CTC1: variants seen among roughly 807,000 people sequenced by gnomAD.
The protein encoded by CTC1 is CST complex subunit CTC1.
CTC1 carries 91 observed loss-of-function variants against 136.3 expected under a neutral mutation model. That is an observed-to-expected ratio of 0.67 (90% confidence interval 0.56 to 0.79). The LOEUF (loss-of-function observed/expected upper bound fraction) is 0.79. Ranked by LOEUF, CTC1 falls within the 30% of genes least tolerant of loss-of-function variation. The probability of loss-of-function intolerance (pLI) is 0.00; values close to 1 mark genes in which losing one functional copy is unlikely to be tolerated. For missense variants in CTC1, 1,432 were observed against 1,498.1 expected, an observed-to-expected ratio of 0.96 and a Z score of 0.73; for synonymous variants, 606 against 613.8, an observed-to-expected ratio of 0.99 and a Z score of 0.19.
rs1230362588 is a variant in CTC1, at chr17:8,225,494, TG to T, written c.*2685del. On this transcript the variant is annotated 3_prime_UTR_variant, in exon 23 of 23. Coordinates refer to ENST00000651323, the MANE Select transcript of CTC1 (RefSeq NM_025099.6). Reference sequence around the variant, plus strand: ...CCAAGAGCTCACAGATCCTATTTCTTGCCTTATCTCTGGCATTTATTTCTTC... The same window carrying T: ...CCAAGAGCTCACAGATCCTATTTCTTCCTTATCTCTGGCATTTATTTCTTC... The T allele has an allele frequency of 6.6e-6, 1 of 152,282 alleles. No homozygotes were observed. The highest frequency in any genetic ancestry group is 1.5e-5 in the Non-Finnish European group (1 of 68,064). The allele number at this position is 152,282 out of a possible 1,614,324, so 9.4% of individuals were successfully genotyped here. A position where few individuals can be genotyped will look rare whatever the true frequency, so the allele number is the denominator to read the frequency against.
chr17:8,246,334 C>T (rs1416529624), intron 1 of CTC1, among the ~76,000 whole-genome samples: 1 of 152,040 alleles, frequency 6.6e-6, no homozygotes, highest in Non-Finnish European at 1.5e-5. Flanking sequence ...ACAGCCATGG[C>T]CAGATGATGA....
rs1170350821 is a variant in CTC1, at chr17:8,226,707, G to GT, written c.*1472dup. 6.6e-6 allele frequency: 1 copy of GT among 152,144 alleles called. No homozygotes were observed. The highest frequency in any genetic ancestry group is 1.5e-5 in the Non-Finnish European group (1 of 68,040). 9.4% of individuals were successfully genotyped at this position (152,144 alleles called of 1,614,324 possible). A position where few individuals can be genotyped will look rare whatever the true frequency, so the allele number is the denominator to read the frequency against. ...CCACGACTACGAGGCTTAGGGCTTC[G>GT]TTTTCATCCAATGCCTTTCTTACTT... On this transcript the variant is annotated 3_prime_UTR_variant, in exon 23 of 23. Coordinates refer to ENST00000651323, the MANE Select transcript of CTC1 (RefSeq NM_025099.6).
chr17:8,238,513 G>T lies in CTC1; in HGVS notation c.314C>A (p.Pro105His), dbSNP rs1186327676. 1 of 1,614,030 alleles carries T rather than the reference G, an allele frequency of 6.2e-7. No individual in the cohort carries two copies. The highest frequency in any genetic ancestry group is 8.5e-7 in the Non-Finnish European group (1 of 1,180,028). ...AAGTAACAGCTGCTCTCGGGGCAGG[G>T]GGTTCCCATTTGGTCCAGCCTCTTG... is the stretch of plus-strand genomic sequence containing the variant. ...WAQEAGPNGN[P>H]LPREQLLLLG... The change falls in exon 3 of 23, where the codon CCC (proline) becomes CAC (histidine). Residue 105 changes from proline to histidine, a missense_variant. Physicochemically the swap from Pro to His is moderately conservative, Grantham distance 77. Transcript: ENST00000651323.
rs918818143 is a variant in CTC1, at chr17:8,227,036, C to G, written c.*1144G>C. ...CCCGCGACCTTGGCGTTATTAGCACCACGCTCTAACCAACTGAGCTAACCG... is the reference window on the plus strand; with the variant it reads ...CCCGCGACCTTGGCGTTATTAGCACGACGCTCTAACCAACTGAGCTAACCG... On this transcript the variant is annotated 3_prime_UTR_variant, in exon 23 of 23. Coordinates refer to ENST00000651323, the MANE Select transcript of CTC1 (RefSeq NM_025099.6). The G allele has an allele frequency of 2.0e-5, 3 of 151,600 alleles. No homozygotes were observed. In the South Asian group the frequency reaches 5.8e-4, roughly 29 times the overall value. 9.4% of individuals were successfully genotyped at this position (151,600 alleles called of 1,614,324 possible). A position where few individuals can be genotyped will look rare whatever the true frequency, so the allele number is the denominator to read the frequency against.
rs965407449 is a variant in CTC1 at position 8,224,978 on chromosome 17, C to G, written c.*3202G>C. On this transcript the variant is annotated 3_prime_UTR_variant, in exon 23 of 23. Transcript: ENST00000651323. ...TCAGCCTCCCAAGTAGCTAGGACTG[C>G]AGGCGCCTGCCACCACGCCTGGCTA... The G allele has an allele frequency of 2.0e-5, 3 of 152,184 alleles. No individual in the cohort carries two copies. Among genetic ancestry groups the G allele is most frequent in the African/African-American group, 7.2e-5 (3 of 41,420 alleles). 9.4% of individuals were successfully genotyped at this position (152,184 alleles called of 1,614,324 possible).
At position 8,227,109 on chromosome 17, in the gene CTC1, TACCATAAAAGCAGCATAA is replaced by T. The variant is rs1241947532; in HGVS notation, c.*1053_*1070del. On this transcript the variant is annotated 3_prime_UTR_variant, in exon 23 of 23. Transcript: ENST00000651323. ...TTCAAATCTTAATATAGGGTATTGC[TACCATAAAAGCAGCATAA>T]ATCCCAACATATGGGTTTAACCACG... The T allele has an allele frequency of 6.6e-6, 1 of 150,552 alleles. No individual in the cohort carries two copies. Among genetic ancestry groups the T allele is most frequent in the African/African-American group, 2.5e-5 (1 of 39,856 alleles). 9.3% of individuals were successfully genotyped at this position (150,552 alleles called of 1,614,324 possible). A position where few individuals can be genotyped will look rare whatever the true frequency, so the allele number is the denominator to read the frequency against.
intron 2 of CTC1, among the ~76,000 whole-genome samples, chr17:8,239,251 A>G (rs1324439372): frequency 6.6e-6 from 1 of 152,126 alleles, no homozygotes; most frequent in Non-Finnish European, 1.5e-5. Flanking sequence ...TGGGGAGAAC[A>G]CTTTGTAAGT....
Position 8,234,824 on chromosome 17 carries a change from T to C in CTC1, c.1542A>G (p.Leu514=), listed in dbSNP as rs369802087. ...TCCGAACAGGGCTGCCTGGCGGAGC[T>C]AGAAGATCCAGGGTAGGAGCCAGGA... ...LQLLAPTLDL[L]APPGSPVRNA... Residue 514 remains leucine, a synonymous_variant, in exon 9 of 23, where the codon CTA becomes CTG. Coordinates refer to ENST00000651323, the MANE Select transcript of CTC1 (RefSeq NM_025099.6). 8.7e-6 allele frequency: 14 copies of C among 1,613,258 alleles called. No individual in the cohort carries two copies. The highest frequency in any genetic ancestry group is 4.0e-5 in the African/African-American group (3 of 74,872).
Position 8,232,495 on chromosome 17 carries a change from T to C in CTC1, c.1946-20A>G. On this transcript the variant is annotated intron_variant, in intron 11 of 22. Transcript: ENST00000651323. ...GGCAGCCTAGAGGAAGAAAGTTTTC[T>C]GTTTTGACAAGAAAGGAGACCTGTG... 1 of 1,605,388 alleles carries C rather than the reference T, an allele frequency of 6.2e-7. No individual in the cohort carries two copies. Among genetic ancestry groups the C allele is most frequent in the Non-Finnish European group, 8.5e-7 (1 of 1,173,240 alleles).
chr17:8,227,030 T>C lies in CTC1; in HGVS notation c.*1150A>G, dbSNP rs2151494030. ...TTCGAACCCGCGACCTTGGCGTTAT[T>C]AGCACCACGCTCTAACCAACTGAGC... is the stretch of plus-strand genomic sequence containing the variant. On this transcript the variant is annotated 3_prime_UTR_variant, in exon 23 of 23. Coordinates refer to ENST00000651323, the MANE Select transcript of CTC1 (RefSeq NM_025099.6). 1 of 152,706 alleles carries C rather than the reference T, an allele frequency of 6.5e-6. No individual in the cohort carries two copies. Among genetic ancestry groups the C allele is most frequent in the Non-Finnish European group, 1.5e-5 (1 of 68,018 alleles). 9.5% of individuals were successfully genotyped at this position (152,706 alleles called of 1,614,324 possible). A position where few individuals can be genotyped will look rare whatever the true frequency, so the allele number is the denominator to read the frequency against.
chr17:8,242,034 A>T (rs1029405227), intron 2 of CTC1, among the ~76,000 whole-genome samples: 9 of 109,704 alleles, frequency 8.2e-5, no homozygotes, highest in Admixed American at 6.2e-4. Flanking sequence ...GATTATTATT[A>T]TTATTTTTTT....
In CTC1 at chr17:8,230,635, C is replaced by A. The variant is rs761241839; in HGVS notation, c.2686G>T (p.Val896Leu). 7.4e-6 allele frequency: 12 copies of A among 1,613,918 alleles called. No individual in the cohort carries two copies. The Admixed American group carries it at 8.3e-5, about 11-fold the overall frequency. The change falls in exon 16 of 23, where the codon GTG becomes TTG. Residue 896 changes from valine (V) to leucine (L), a missense_variant. Transcript: ENST00000651323. ...LLSDNFTDSL[V>L]SFSAEILSRT... is the part of the protein sequence containing the mutation. ...GACAAAATCTCAGCGGAGAAAGACA[C>A]CAAGGAATCTGTGAAACTGGAAGGT...
intron 2 of CTC1, among the ~76,000 whole-genome samples, chr17:8,240,193 C>T (rs557907473): frequency 2.8e-5 from 4 of 144,776 alleles, no homozygotes; most frequent in African/African-American, 5.1e-5. Flanking sequence ...CTTGCTCTGT[C>T]GCCCAGACTG....
chr17:8,230,060 C>T, intron 17 of CTC1, 92 bp from the exon 18 acceptor site: 1 of 1,251,056 alleles, frequency 8.0e-7, no homozygotes, highest in South Asian at 1.3e-5. Context: ...ACAGAGTGGC[C>T]ACTCCCCCTG....
chr17:8,231,077 G>A (rs1987176726), intron 15 of CTC1, 199 bp downstream of exon 15: 1 of 515,842 alleles, frequency 1.9e-6, no homozygotes, highest in Non-Finnish European at 3.4e-6. Context: ...GGAAGTAGAG[G>A]TTTCAGTGAG....
chr17:8,229,665 C>T (rs1318913070), intron 18 of CTC1, among the ~76,000 whole-genome samples: 1 of 152,136 alleles, frequency 6.6e-6, no homozygotes, highest in Admixed American at 6.5e-5. Flanking sequence ...GAAATATTTG[C>T]ATGTTAAGAC....
chr17:8,229,293 C>T lies in CTC1; in HGVS notation c.3156+9G>A. ...ATACTCAGTTCAGCCTGTTCCTTCC[C>T]TCCCTTACCTGCCGGCAGATGCTGG... is the stretch of plus-strand genomic sequence containing the variant. On this transcript the variant is annotated intron_variant, in intron 19 of 22. Transcript: ENST00000651323. The T allele has an allele frequency of 6.2e-7, 1 of 1,614,186 alleles. No homozygotes were observed. The highest frequency in any genetic ancestry group is 8.5e-7 in the Non-Finnish European group (1 of 1,180,040).
Position 8,235,224 on chromosome 17 carries a change from G to A in CTC1, c.1268C>T (p.Pro423Leu), listed in dbSNP as rs1987609606. Residue 423 changes from proline to leucine, a missense_variant, in exon 8 of 23, where the codon CCC becomes CTC. Pro to Leu is a moderately conservative substitution (Grantham distance 98). Transcript: ENST00000651323. ...AAGCAGAACGGCGCCACGGAGGCAG[G>A]GGGCGAGCACTGGCCTTCTTGTCCC... ...GGGTRRPVLA[P>L]CLRGAVLLQS... 1 of 1,614,048 alleles carries A rather than the reference G, an allele frequency of 6.2e-7. No homozygotes were observed. Among genetic ancestry groups the A allele is most frequent in the South Asian group, 1.1e-5 (1 of 91,088 alleles).
rs1597378045 is a variant in CTC1, at chr17:8,231,901, A to G, written c.2385+2T>C. Reference sequence around the variant, plus strand: ...TCCTGGGTCCCTGGAGTCCCAGTTTACCTTCTGATCATTGTCGTCATTTCC... The same window carrying G: ...TCCTGGGTCCCTGGAGTCCCAGTTTGCCTTCTGATCATTGTCGTCATTTCC... On this transcript the variant is annotated splice_donor_variant, in intron 13 of 22. Transcript: ENST00000651323. LOFTEE classifies it high-confidence loss of function. 2.5e-6 allele frequency: 4 copies of G among 1,613,572 alleles called. No individual in the cohort carries two copies. In the Admixed American group the frequency reaches 5.0e-5, roughly 20 times the overall value.
Sources: gnomAD v4.1 joint callset for allele counts (sites outside exome capture counted in the v4.1 genomes callset) on GRCh38, gnomAD v4.1.1 for gene constraint, MANE v1.5 for transcripts, NCBI Gene and HGNC (gene_info 2026-07-23, HGNC 2026-07-21) for gene names.